The following CDKL3 variants were observed in gnomAD, a reference collection of about 807,000 sequenced individuals.
CDKL3 encodes the protein cyclin dependent kinase like 3.
Under a neutral mutation model 69.3 loss-of-function variants are expected in CDKL3, and 65 were observed. The ratio of observed to expected loss-of-function variants is 0.94; its 90% confidence interval spans 0.77 to 1.15. The LOEUF is 1.15. Ranked by LOEUF, CDKL3 falls within the 50% of genes most tolerant of loss-of-function variation. The pLI is 0.00. For synonymous variants in CDKL3, 202 were observed against 221.6 expected, an observed-to-expected ratio of 0.91 and a Z score of 0.79; for missense variants, 652 against 689.2, an observed-to-expected ratio of 0.95 and a Z score of 0.61.
At chr5:134,297,858 G>A (rs1348447165), downstream of CDKL3, among the ~76,000 whole-genome samples, 1 of 148,300 alleles carries the variant, frequency 6.7e-6, no homozygotes, top group Non-Finnish European at 1.5e-5. Context: ...CTGGATTACA[G>A]GCATGAGCCA....
upstream of CDKL3, among the ~76,000 whole-genome samples, chr5:134,367,891 A>G (rs1291966634): frequency 6.6e-6 from 1 of 152,254 alleles, no homozygotes; most frequent in Admixed American, 6.5e-5. Flanking sequence ...GTAGACATAG[A>G]GTTCAACTGG....
chr5:134,301,613 G>A (rs547405370), intron 12 of CDKL3, among the ~76,000 whole-genome samples: 15 of 152,050 alleles, frequency 9.9e-5, no homozygotes, highest in Admixed American at 7.9e-4. Context: ...CAGATGCGGC[G>A]GCTCACACCT....
At chr5:134,298,829 T>G (rs1765597620) in intron 12 of CDKL3, 119 bp from the exon 13 acceptor site, 1 of 1,362,732 alleles carries the variant, frequency 7.3e-7, no homozygotes, top group Non-Finnish European at 1.0e-6. Flanking sequence ...AACATGCTAG[T>G]CAAGCCAAAA....
At chr5:134,350,172 A>G in intron 4 of CDKL3, 77 bp downstream of exon 4, 1 of 1,142,478 alleles carries the variant, frequency 8.8e-7, no homozygotes, top group South Asian at 1.7e-5. Flanking sequence ...TGGGTGACAG[A>G]GCAACACGCC....
In CDKL3 at chr5:134,287,895, C is replaced by CTT. The variant is rs5871533; in HGVS notation, c.*678-1338_*678-1337dup. Among the ~76,000 whole-genome samples, 442 of 138,116 alleles carry CTT rather than the reference C, an allele frequency of 3.2e-3. 7 individuals are homozygous for CTT. Among genetic ancestry groups the CTT allele is most frequent in the East Asian group, 8.5e-3 (41 of 4,796 alleles). The allele number at this position is 138,116 out of a possible 152,430, so 90.6% of individuals were successfully genotyped here. On this transcript the variant is annotated intron_variant and NMD_transcript_variant, in intron 8 of 8. Transcript: ENST00000519312. ...TACCACAGCTATGTTTGTAACTTTA[C>CTT]TTTTTTTTTTTTTTTTGAAATGGCG... is the stretch of plus-strand genomic sequence containing the variant.
At chr5:134,336,201 G>A (rs1777071355) in intron 4 of CDKL3, among the ~76,000 whole-genome samples, 1 of 152,028 alleles carries the variant, frequency 6.6e-6, no homozygotes, top group Admixed American at 6.6e-5. Context: ...CTCTATACTG[G>A]TTATTCTAGT....
At chr5:134,293,953 G>C (rs993587979), downstream of CDKL3, among the ~76,000 whole-genome samples, 4 of 151,796 alleles carry the variant, frequency 2.6e-5, no homozygotes, top group Non-Finnish European at 5.9e-5. Flanking sequence ...ACAAAAATAA[G>C]AAAATGAAAA....
intron 9 of CDKL3, among the ~76,000 whole-genome samples, chr5:134,307,519 C>T (rs766195545): frequency 7.2e-5 from 11 of 152,172 alleles, no homozygotes; most frequent in Non-Finnish European, 1.5e-4. Context: ...TCCTCTTGGG[C>T]TAATGAACCC....
At chr5:134,285,486 G>T (rs1334551880), downstream of CDKL3, among the ~76,000 whole-genome samples, 2 of 152,176 alleles carry the variant, frequency 1.3e-5, no homozygotes, top group Non-Finnish European at 2.9e-5. Context: ...GCCATGGCTG[G>T]AGCAGCTGGG....
At chr5:134,337,092 A>T (rs2149545299) in intron 4 of CDKL3, among the ~76,000 whole-genome samples, 1 of 152,244 alleles carries the variant, frequency 6.6e-6, no homozygotes, top group Non-Finnish European at 1.5e-5. Context: ...CCAGTGTCCC[A>T]GGTAGATCTC....
Position 134,307,992 on chromosome 5 carries a change from C to T in CDKL3, c.1364+146G>A, listed in dbSNP as rs368872823. ...TCTTCTACAGCATCCATAAGAAACA[C>T]TCAGTAAATGGCCCATTATACAGCT... On this transcript the variant is annotated intron_variant, in intron 9 of 12. Coordinates refer to ENST00000265334, the MANE Select transcript of CDKL3 (RefSeq NM_001113575.2). The T allele has an allele frequency of 1.8e-4, 227 of 1,263,030 alleles. 4 individuals carry two copies. The South Asian group carries it at 4.5e-3, about 25-fold the overall frequency. The allele number at this position is 1,263,030 out of a possible 1,614,324, so 78.2% of individuals were successfully genotyped here.
At chr5:134,342,624 G>C (rs568273132) in intron 4 of CDKL3, among the ~76,000 whole-genome samples, 72 of 151,250 alleles carry the variant, frequency 4.8e-4, no homozygotes, top group South Asian at 4.2e-3. Context: ...AAAAGAAAAA[G>C]AAAAATTTAT....
chr5:134,323,965 A>G (rs1359355782), intron 4 of CDKL3, among the ~76,000 whole-genome samples: 1 of 152,170 alleles, frequency 6.6e-6, no homozygotes, highest in Admixed American at 6.6e-5. Context: ...ATAATAAAGA[A>G]CTTGTATCCA....
At chr5:134,316,912 T>C (rs1382585682) in intron 6 of CDKL3, among the ~76,000 whole-genome samples, 1 of 152,156 alleles carries the variant, frequency 6.6e-6, no homozygotes, top group African/African-American at 2.4e-5. Flanking sequence ...AAATTGATAA[T>C]AGTAATTTTT....
At chr5:134,284,430 C>CA (rs2149401887), downstream of CDKL3, among the ~76,000 whole-genome samples, 1 of 152,174 alleles carries the variant, frequency 6.6e-6, no homozygotes, top group African/African-American at 2.4e-5. Context: ...ATCACAAGGG[C>CA]AGAGAGGCAG....
chr5:134,298,273 A>G, downstream of CDKL3: 4 of 995,548 alleles, frequency 4.0e-6, no homozygotes, highest in Non-Finnish European at 4.8e-6. Flanking sequence ...TATTTTATTA[A>G]GAACTCATTT....
intron 4 of CDKL3, among the ~76,000 whole-genome samples, chr5:134,336,699 G>T (rs1341546981): frequency 1.3e-5 from 2 of 152,200 alleles, no homozygotes; most frequent in East Asian, 1.9e-4. Flanking sequence ...TCCTCTGGAA[G>T]TTTCGTCCCA....
At chr5:134,307,878 AT>A in intron 9 of CDKL3, 1 of 421,444 alleles carries the variant, frequency 2.4e-6, no homozygotes, top group Non-Finnish European at 3.8e-6. Context: ...AAATAAAAAC[AT>A]TTTTCAAAGG....
chr5:134,288,114 G>A (rs946760245), intron 8 of CDKL3, among the ~76,000 whole-genome samples: 2 of 151,926 alleles, frequency 1.3e-5, no homozygotes, highest in African/African-American at 2.4e-5. Flanking sequence ...GGGTGGTCTC[G>A]AACTCCTGAC....
Sources: allele counts gnomAD v4.1 joint callset (sites outside exome capture counted in the v4.1 genomes callset), GRCh38; gene constraint gnomAD v4.1.1; transcripts MANE v1.5; gene names NCBI Gene and HGNC (gene_info 2026-07-23, HGNC 2026-07-21).